Variants in APOBEC1 observed in about 807,000 individuals in gnomAD.
APOBEC1 encodes the protein C->U-editing enzyme APOBEC-1.
Under a neutral mutation model 26.3 loss-of-function variants are expected in APOBEC1, and 22 were observed. That is an observed-to-expected ratio of 0.84 (90% CI 0.60 to 1.19). The LOEUF (loss-of-function observed/expected upper bound fraction) is 1.19, where lower values mean the gene tolerates loss of function less well. APOBEC1 is among the 50% of genes most tolerant of loss of function. The pLI, the probability that APOBEC1 is intolerant of heterozygous loss-of-function variation, is 0.00. For missense variants in APOBEC1, 253 were observed against 289.0 expected (o/e 0.88, Z 0.90); for synonymous variants, 77 against 95.3 (o/e 0.81, Z 1.12).
At chr12:7,668,498 C>T (rs1005524531), upstream of APOBEC1, among the ~76,000 whole-genome samples, 6 of 152,126 alleles carry the variant, frequency 3.9e-5, no homozygotes, top group Admixed American at 6.5e-5. Flanking sequence ...TTGAGCGCTT[C>T]GTCCATGTTC....
chr12:7,655,624 G>A (rs1863703462), intron 1 of APOBEC1, among the ~76,000 whole-genome samples: 1 of 152,230 alleles, frequency 6.6e-6, no homozygotes, highest in South Asian at 2.1e-4. Context: ...CTCACAGGGA[G>A]TGGTGCAGAC....
In APOBEC1 at chr12:7,651,011, A is replaced by G; in HGVS notation, c.561+12T>C. The G allele has an allele frequency of 1.3e-6, 2 of 1,579,656 alleles. No homozygotes were observed. Among genetic ancestry groups the G allele is most frequent in the South Asian group, 2.3e-5 (2 of 88,504 alleles). ...TTTTTGCATCAACATTTGTGTCCCTAAAGTGACTTACTAGAATTATGCAGT... is the reference window on the plus strand; with the variant it reads ...TTTTTGCATCAACATTTGTGTCCCTGAAGTGACTTACTAGAATTATGCAGT... On this transcript the variant is annotated intron_variant, in intron 4 of 4. Coordinates refer to ENST00000229304, the MANE Select transcript of APOBEC1 (RefSeq NM_001644.5).
At chr12:7,656,478 A>G (rs1863716909) in intron 1 of APOBEC1, among the ~76,000 whole-genome samples, 1 of 152,152 alleles carries the variant, frequency 6.6e-6, no homozygotes, top group African/African-American at 2.4e-5. Flanking sequence ...AGGCAAAACC[A>G]CGTCCTCCAT....
chr12:7,661,037 C>CAAAAA (rs764452957), intron 1 of APOBEC1, among the ~76,000 whole-genome samples: 1 of 91,054 alleles, frequency 1.1e-5, no homozygotes, highest in East Asian at 3.3e-4. Flanking sequence ...ACTAAAAATA[C>CAAAAA]AAAAAAAAAA....
At chr12:7,650,335 C>T (rs1014019125) in intron 4 of APOBEC1, among the ~76,000 whole-genome samples, 10 of 152,106 alleles carry the variant, frequency 6.6e-5, no homozygotes, top group African/African-American at 2.4e-4. Context: ...GCTAGGAATT[C>T]GGAGTTTGAG....
rs772496243 is a variant in APOBEC1, at chr12:7,654,613, G to T, written c.36C>A (p.Pro12=). Residue 12 remains proline (P), a synonymous_variant, in exon 2 of 5, where the codon CCC becomes CCA. Coordinates refer to ENST00000229304, the MANE Select transcript of APOBEC1 (RefSeq NM_001644.5). The stretch of plus-strand genomic sequence containing the variant: ...GATAGTGTTATTCTTACCTCAGAGT[G>T]GGGTCACCGGTTGAAGGACCTGTTG... ...TSEKGPSTGD[P]TLRRRIEPWE... The T allele has an allele frequency of 6.2e-7, 1 of 1,613,894 alleles. No individual in the cohort carries two copies. Among genetic ancestry groups the T allele is most frequent in the Non-Finnish European group, 8.5e-7 (1 of 1,179,826 alleles).
intron 1 of APOBEC1, among the ~76,000 whole-genome samples, chr12:7,658,061 T>G (rs1863740733): frequency 6.6e-6 from 1 of 151,914 alleles, no homozygotes; most frequent in Admixed American, 6.6e-5. Flanking sequence ...TGTTTTGTTT[T>G]GTTTTGTTTT....
At chr12:7,649,768 T>A in intron 4 of APOBEC1, 72 bp from the exon 5 acceptor site, 2 of 1,150,226 alleles carry the variant, frequency 1.7e-6, no homozygotes, top group Non-Finnish European at 2.5e-6. Context: ...ACCACAAACA[T>A]TTAAAAATGT....
Position 7,649,463 on chromosome 12 carries a change from A to G in APOBEC1, c.*84T>C. 6.8e-7 allele frequency: 1 copy of G among 1,461,020 alleles called. No homozygotes were observed. Among genetic ancestry groups the G allele is most frequent in the South Asian group, 1.3e-5 (1 of 78,518 alleles). The allele number at this position is 1,461,020 out of a possible 1,614,324, so 90.5% of individuals were successfully genotyped here. On this transcript the variant is annotated 3_prime_UTR_variant, in exon 5 of 5. Coordinates refer to ENST00000229304, the MANE Select transcript of APOBEC1 (RefSeq NM_001644.5). ...CAGAGTTTTGGGGTACCTTGTGAAC[A>G]TTTCTAGATTCTAAATGGCATTCAC...
intron 1 of APOBEC1, among the ~76,000 whole-genome samples, chr12:7,662,608 G>A (rs760651094): frequency 6.6e-6 from 1 of 152,162 alleles, no homozygotes; most frequent in South Asian, 2.1e-4. Context: ...AAGAAGAAAA[G>A]TACTGGAAGG....
upstream of APOBEC1, among the ~76,000 whole-genome samples, chr12:7,667,836 C>A (rs1759052274): frequency 2.0e-5 from 3 of 148,816 alleles, no homozygotes; most frequent in Non-Finnish European, 4.5e-5. Flanking sequence ...TTGCTCGAAC[C>A]CAGGAGGGAA....
At chr12:7,664,746 C>G (rs1565443806) in intron 1 of APOBEC1, among the ~76,000 whole-genome samples, 1 of 150,988 alleles carries the variant, frequency 6.6e-6, no homozygotes, top group Non-Finnish European at 1.5e-5. Context: ...AAGACCTCAT[C>G]TCTACAAAAA....
chr12:7,660,571 C>T (rs1173545233), intron 1 of APOBEC1, among the ~76,000 whole-genome samples: 3 of 150,900 alleles, frequency 2.0e-5, no homozygotes, highest in African/African-American at 7.3e-5. Flanking sequence ...GGCATGGTGG[C>T]CCATGCTTGT....
intron 1 of APOBEC1, among the ~76,000 whole-genome samples, chr12:7,661,018 C>T (rs760612703): frequency 6.9e-6 from 1 of 145,634 alleles, no homozygotes; most frequent in Admixed American, 6.9e-5. Flanking sequence ...ATGGTGAAAT[C>T]CCGTCTGTAC....
chr12:7,649,677 T>C lies in APOBEC1; in HGVS notation c.581A>G (p.Lys194Arg). 1 of 1,613,010 alleles carries C rather than the reference T, an allele frequency of 6.2e-7. No individual in the cohort carries two copies. The highest frequency in any genetic ancestry group is 8.5e-7 in the Non-Finnish European group (1 of 1,178,980). ...CIILSLPPCL[K>R]ISRRWQNHLT... ...ATGATTTTGCCATCTTCTTGAAATC[T>C]TTAAACAGGGTGGAAGACTCTGGAA... Residue 194 changes from lysine (K) to arginine (R), a missense_variant, in exon 5 of 5, where the codon AAG becomes AGG. Physicochemically the swap from Lys to Arg is conservative, Grantham distance 26 (BLOSUM62 2). Transcript: ENST00000229304.
rs201225005 is a variant in APOBEC1 at position 7,660,412 on chromosome 12, G to GAAAGAAAGAA, written c.16+5444_16+5445insTTCTTTCTTT. On this transcript the variant is annotated intron_variant, in intron 1 of 4. Transcript: ENST00000229304. ...AGAAAGAAAGAAAGAAAGAAAGAAA[G>GAAAGAAAGAA]AGAGGGTATTTGGGCCAGGGACAGT... 3.5e-4 allele frequency among the ~76,000 whole-genome samples: 43 copies of GAAAGAAAGAA among 122,056 alleles called. 1 individual carries two copies. Among genetic ancestry groups the GAAAGAAAGAA allele is most frequent in the African/African-American group, 7.9e-4 (28 of 35,350 alleles). 80.1% of individuals were successfully genotyped at this position (122,056 alleles called of 152,430 possible). A position where few individuals can be genotyped will look rare whatever the true frequency, so the allele number is the denominator to read the frequency against.
upstream of APOBEC1, among the ~76,000 whole-genome samples, chr12:7,668,418 C>T (rs77114651): frequency 0.053 from 8,083 of 152,206 alleles, 222 homozygotes; most frequent in African/African-American, 0.077. Context: ...GTAGGACATG[C>T]TCCCAGGAAG....
In APOBEC1 at chr12:7,656,177, G is replaced by A. The variant is rs1207444757; in HGVS notation, c.17-1545C>T. Among the ~76,000 whole-genome samples the A allele has an allele frequency of 5.3e-5, 8 of 151,922 alleles. No individual in the cohort carries two copies. The East Asian group carries it at 1.6e-3, about 30-fold the overall frequency. ...TAAAGAAAGAAATAAGGAAATAAAT[G>A]GAAGATGTGTATTTGAGAATTTATA... On this transcript the variant is annotated intron_variant, in intron 1 of 4. Transcript: ENST00000229304.
upstream of APOBEC1, among the ~76,000 whole-genome samples, chr12:7,666,063 G>A (rs757936910): frequency 1.3e-3 from 197 of 152,132 alleles, 2 homozygotes; most frequent in African/African-American, 4.7e-3. Context: ...ATTATCGTGG[G>A]GATTTGCATC....
Sources: gnomAD v4.1 joint callset for allele counts (sites outside exome capture counted in the v4.1 genomes callset) on GRCh38, gnomAD v4.1.1 for gene constraint, MANE v1.5 for transcripts, NCBI Gene and HGNC (gene_info 2026-07-23, HGNC 2026-07-21) for gene names.